BANK1: variants seen among roughly 807,000 people sequenced by gnomAD.
BANK1 encodes B cell scaffold protein with ankyrin repeats 1, also known as B-cell scaffold protein with ankyrin repeats.
Under a neutral mutation model 94.5 loss-of-function variants are expected in BANK1, and 95 were observed. The ratio of observed to expected loss-of-function variants is 1.00; its 90% CI spans 0.85 to 1.19. BANK1 has a LOEUF of 1.19. Ranked by LOEUF, BANK1 falls within the 50% of genes most tolerant of loss-of-function variation. BANK1 has a pLI of 0.00. For synonymous variants in BANK1, 334 were observed against 308.4 expected, an observed-to-expected ratio of 1.08 and a Z score of -0.87; for missense variants, 987 against 932.2, an observed-to-expected ratio of 1.06 and a Z score of -0.77.
At chr4:101,874,522 A>C (rs1406613035) in intron 5 of BANK1, among the ~76,000 whole-genome samples, 1 of 152,204 alleles carries the variant, frequency 6.6e-6, no homozygotes, top group South Asian at 2.1e-4. Flanking sequence ...GATAAGAGGT[A>C]CAAATGCGTC....
At position 101,918,104 on chromosome 4, in the gene BANK1, T is replaced by C; in HGVS notation, c.1121T>C (p.Met374Thr). 6.2e-7 allele frequency: 1 copy of C among 1,612,328 alleles called. No homozygotes were observed. Among genetic ancestry groups the C allele is most frequent in the Non-Finnish European group, 8.5e-7 (1 of 1,178,904 alleles). The change falls in exon 7 of 17, where the codon ATG (methionine) becomes ACG (threonine). Residue 374 changes from methionine to threonine, a missense_variant. By Grantham distance (81) the Met-to-Thr change is moderately conservative. Coordinates refer to ENST00000322953, the MANE Select transcript of BANK1 (RefSeq NM_017935.5). ...QCSGATWASK[M>T]KNMEGSDPAH... ...TCAGGAGCAACCTGGGCATCTAAGA[T>C]GAAAAATATGGAGGGTTCAGACCCC...
At chr4:102,023,172 T>C (rs1726973164) in intron 8 of BANK1, among the ~76,000 whole-genome samples, 1 of 152,196 alleles carries the variant, frequency 6.6e-6, no homozygotes, top group Non-Finnish European at 1.5e-5. Context: ...GAAACATTAT[T>C]GACCACAAGT....
intron 2 of BANK1, among the ~76,000 whole-genome samples, chr4:101,841,988 G>A (rs180974168): frequency 6.6e-6 from 1 of 152,154 alleles, no homozygotes; most frequent in East Asian, 1.9e-4. Flanking sequence ...ATGAAAAATA[G>A]AATAACATAA....
chr4:101,990,838 C>T (rs1390563736), intron 7 of BANK1, among the ~76,000 whole-genome samples: 9 of 152,122 alleles, frequency 5.9e-5, no homozygotes, highest in Non-Finnish European at 5.9e-5. Flanking sequence ...TTTTCTCATA[C>T]ATAAAATTGA....
At chr4:102,045,377 G>A (rs1485087356) in intron 11 of BANK1, among the ~76,000 whole-genome samples, 1 of 152,064 alleles carries the variant, frequency 6.6e-6, no homozygotes, top group Non-Finnish European at 1.5e-5. Context: ...TTGAAAACTG[G>A]CACAAGACAG....
intron 7 of BANK1, among the ~76,000 whole-genome samples, chr4:101,931,663 C>G (rs1723346828): frequency 6.6e-6 from 1 of 151,536 alleles, no homozygotes; most frequent in African/African-American, 2.4e-5. Context: ...CTTTGAATAG[C>G]ACAAGTATTG....
chr4:101,928,819 G>A (rs147279295), intron 7 of BANK1, among the ~76,000 whole-genome samples: 101 of 151,476 alleles, frequency 6.7e-4, no homozygotes, highest in African/African-American at 2.2e-3. Context: ...GGAGAGCAGC[G>A]CCTGGCGCTG....
Position 102,043,887 on chromosome 4 carries a change from G to T in BANK1, c.1949G>T (p.Cys650Phe). 1 of 1,595,688 alleles carries T rather than the reference G, an allele frequency of 6.3e-7. No homozygotes were observed. The highest frequency in any genetic ancestry group is 1.7e-4 in the Middle Eastern group (1 of 5,960). ...ARRQSDDDKF[C>F]GLPKKQDRAR... ...AGACAATCTGATGATGACAAGTTCT[G>T]TGGTCTTCCTAAGAAACAAGGTACT... is the stretch of plus-strand genomic sequence containing the variant. Residue 650 changes from cysteine to phenylalanine, a missense_variant, in exon 11 of 17, where the codon TGT (cysteine) becomes TTT (phenylalanine). Physicochemically the swap from Cys to Phe is radical, Grantham distance 205. Coordinates refer to ENST00000322953, the MANE Select transcript of BANK1 (RefSeq NM_017935.5).
At chr4:101,944,208 C>T (rs1723854696) in intron 7 of BANK1, among the ~76,000 whole-genome samples, 1 of 151,818 alleles carries the variant, frequency 6.6e-6, no homozygotes, top group South Asian at 2.1e-4. Context: ...CTGGTAAAAG[C>T]TATGTGAGGA....
chr4:101,919,510 T>A (rs1485944459), intron 7 of BANK1, among the ~76,000 whole-genome samples: 1 of 151,916 alleles, frequency 6.6e-6, no homozygotes, highest in African/African-American at 2.4e-5. Context: ...GGGATATAAT[T>A]TTTTTTCTCT....
At chr4:101,970,818 C>T (rs1399255178) in intron 7 of BANK1, among the ~76,000 whole-genome samples, 1 of 151,976 alleles carries the variant, frequency 6.6e-6, no homozygotes, top group African/African-American at 2.4e-5. Flanking sequence ...TTTTATGTTC[C>T]CTAGGGTCAA....
intron 7 of BANK1, among the ~76,000 whole-genome samples, chr4:102,001,266 C>G (rs1405684210): frequency 6.6e-6 from 1 of 152,118 alleles, no homozygotes; most frequent in African/African-American, 2.4e-5. Flanking sequence ...CTTAAGAAAG[C>G]CCAAAGTGTT....
intron 7 of BANK1, among the ~76,000 whole-genome samples, chr4:101,923,113 GATGAA>G (rs1723051584): frequency 6.6e-6 from 1 of 151,726 alleles, no homozygotes; most frequent in African/African-American, 2.4e-5. Context: ...TTTAGGATTT[GATGAA>G]ATGAATGTAA....
Position 101,891,352 on chromosome 4 carries a change from G to A in BANK1, c.904-3953G>A, listed in dbSNP as rs911179580. Reference sequence around the variant, plus strand: ...TTTCTGTCCTTCATAGCTGCTTCTAGCAATCTAATTGTTTTTACCATATAG... The same window carrying A: ...TTTCTGTCCTTCATAGCTGCTTCTAACAATCTAATTGTTTTTACCATATAG... On this transcript the variant is annotated intron_variant, in intron 5 of 16. Coordinates refer to ENST00000322953, the MANE Select transcript of BANK1 (RefSeq NM_017935.5). Among the ~76,000 whole-genome samples, 9 of 152,046 alleles carry A rather than the reference G, an allele frequency of 5.9e-5. No individual in the cohort carries two copies. The South Asian group carries it at 1.0e-3, about 18-fold the overall frequency.
At chr4:101,814,792 TA>T (rs1725845843) in intron 1 of BANK1, among the ~76,000 whole-genome samples, 1 of 152,176 alleles carries the variant, frequency 6.6e-6, no homozygotes, top group Non-Finnish European at 1.5e-5. Flanking sequence ...ATTCTTTCCT[TA>T]AAACTGTAAT....
At chr4:102,036,256 A>C (rs1171468484) in intron 10 of BANK1, among the ~76,000 whole-genome samples, 1 of 152,248 alleles carries the variant, frequency 6.6e-6, no homozygotes, top group Non-Finnish European at 1.5e-5. Flanking sequence ...CAAAATGTCA[A>C]GTGCAACTCA....
intron 2 of BANK1, among the ~76,000 whole-genome samples, chr4:101,833,101 T>A (rs1726688420): frequency 6.6e-6 from 1 of 151,980 alleles, no homozygotes; most frequent in Non-Finnish European, 1.5e-5. Context: ...TGCCTCAGCC[T>A]CCTGAGTAGC....
intron 6 of BANK1, among the ~76,000 whole-genome samples, chr4:101,896,114 T>C (rs945368933): frequency 2.0e-5 from 3 of 151,916 alleles, no homozygotes; most frequent in African/African-American, 7.2e-5. Flanking sequence ...TATACAAATA[T>C]CAAGAAAAGT....
chr4:101,936,073 C>A (rs1723521888), intron 7 of BANK1, among the ~76,000 whole-genome samples: 1 of 151,200 alleles, frequency 6.6e-6, no homozygotes, highest in Non-Finnish European at 1.5e-5. Flanking sequence ...TTAAAAGGTT[C>A]TATACAGCAA....
Sources: gnomAD v4.1 joint callset for allele counts (sites outside exome capture counted in the v4.1 genomes callset) on GRCh38, gnomAD v4.1.1 for gene constraint, MANE v1.5 for transcripts, NCBI Gene and HGNC (gene_info 2026-07-23, HGNC 2026-07-21) for gene names.